AS3MT: variants seen among roughly 807,000 people sequenced by gnomAD.
AS3MT encodes arsenite methyltransferase.
A neutral mutation model predicts 45.3 loss-of-function variants in AS3MT; 47 were observed. The observed-to-expected ratio is 1.04, with a 90% confidence interval of 0.82 to 1.32. The LOEUF (loss-of-function observed/expected upper bound fraction) is 1.32, where lower values mean the gene tolerates loss of function less well. Among genes scored for constraint, AS3MT ranks in the 40% most tolerant of loss-of-function variants. The pLI is 0.00. For synonymous variants in AS3MT, 141 were observed against 152.8 expected, an observed-to-expected ratio of 0.92 and a Z score of 0.57; for missense variants, 396 against 451.1, an observed-to-expected ratio of 0.88 and a Z score of 1.11.
At position 102,877,080 on chromosome 10, in the gene AS3MT, A is replaced by G. The variant is rs746130054; in HGVS notation, c.610+45A>G. 7 of 1,567,046 alleles carry G rather than the reference A, an allele frequency of 4.5e-6. No homozygotes were observed. In the East Asian group the frequency reaches 1.1e-4, roughly 25 times the overall value. On this transcript the variant is annotated intron_variant, in intron 7 of 10. Transcript: ENST00000369880. ...TTAGTATTAAGGCAGATGGTTGTAC[A>G]TGTGCAGAACTCCTTTCTGCTAATA... is the stretch of plus-strand genomic sequence containing the variant.
chr10:102,882,906 T>C (rs1336678407), intron 9 of AS3MT, among the ~76,000 whole-genome samples: 1 of 151,924 alleles, frequency 6.6e-6, no homozygotes, highest in Non-Finnish European at 1.5e-5. Context: ...TTCAAATTTC[T>C]TAAATACTCC....
intron 7 of AS3MT, among the ~76,000 whole-genome samples, chr10:102,877,748 C>CTTTTTTTTTTTTT (rs751685577): frequency 1.9e-5 from 2 of 105,192 alleles, no homozygotes; most frequent in South Asian, 3.1e-4. Flanking sequence ...GTGATAACTT[C>CTTTTTTTTTTTTT]TTTTTTTTTT....
chr10:102,872,973 G>A, intron 4 of AS3MT, 124 bp from the exon 5 acceptor site: 1 of 823,902 alleles, frequency 1.2e-6, no homozygotes, highest in Non-Finnish European at 1.8e-6. Context: ...GTGTCCACAG[G>A]AATCTTGTAT....
chr10:102,873,764 C>T (rs563982393), intron 5 of AS3MT, among the ~76,000 whole-genome samples: 1 of 152,338 alleles, frequency 6.6e-6, no homozygotes, highest in South Asian at 2.1e-4. Context: ...AACTTAACCA[C>T]AAACCAATGA....
chr10:102,889,010 C>T (rs1485013712), intron 9 of AS3MT, among the ~76,000 whole-genome samples: 2 of 151,190 alleles, frequency 1.3e-5, no homozygotes, highest in South Asian at 2.1e-4. Flanking sequence ...CCTGCCTCAG[C>T]GCCCCGAGTA....
At chr10:102,898,546 T>A (rs1845218913) in intron 10 of AS3MT, among the ~76,000 whole-genome samples, 2 of 151,982 alleles carry the variant, frequency 1.3e-5, no homozygotes, top group African/African-American at 4.8e-5. Flanking sequence ...GCCAAGATCG[T>A]GCCACTGCAC....
chr10:102,875,873 T>C (rs568018307), intron 6 of AS3MT, among the ~76,000 whole-genome samples: 1 of 152,232 alleles, frequency 6.6e-6, no homozygotes, highest in African/African-American at 2.4e-5. Context: ...TGCCTCAGCC[T>C]CCCAAAGTGC....
At position 102,878,408 on chromosome 10, in the gene AS3MT, A is replaced by G. The variant is rs1263674298; in HGVS notation, c.640A>G (p.Lys214Glu). 6.2e-7 allele frequency: 1 copy of G among 1,613,968 alleles called. No homozygotes were observed. The highest frequency in any genetic ancestry group is 8.5e-7 in the Non-Finnish European group (1 of 1,179,956). Residue 214 changes from lysine to glutamate, a missense_variant, in exon 8 of 11, where the codon AAG becomes GAG. Physicochemically the swap from Lys to Glu is moderately conservative, Grantham distance 56 (BLOSUM62 1). Coordinates refer to ENST00000369880, the MANE Select transcript of AS3MT (RefSeq NM_020682.4). Reference sequence around the variant, plus strand: ...GTGTCTGGGTGGTGCTTTATACTGGAAGGAACTTGCTGTCCTTGCTCAAAA... The same window carrying G: ...GTGTCTGGGTGGTGCTTTATACTGGGAGGAACTTGCTGTCCTTGCTCAAAA... ...GECLGGALYW[K>E]ELAVLAQKIG...
intron 9 of AS3MT, among the ~76,000 whole-genome samples, chr10:102,886,565 G>A (rs552454539): frequency 4.6e-5 from 7 of 151,966 alleles, no homozygotes; most frequent in African/African-American, 9.6e-5. Context: ...GACTCTGCCC[G>A]CCTCAGCCTC....
chr10:102,881,936 G>GTT lies in AS3MT; in HGVS notation c.885+2958_885+2959dup, dbSNP rs1224365700. On this transcript the variant is annotated intron_variant, in intron 9 of 10. Coordinates refer to ENST00000369880, the MANE Select transcript of AS3MT (RefSeq NM_020682.4). The surrounding 1 kb of genome is among the most constrained non-coding windows in gnomAD (Gnocchi z 4.2). The stretch of plus-strand genomic sequence containing the variant: ...TTTTATTTTTTTGTTGGTGAGACAG[G>GTT]TTTTTTTTTTTTTTCTTTTTTGAGA... 2.2e-5 allele frequency among the ~76,000 whole-genome samples: 3 copies of GTT among 138,660 alleles called. No individual in the cohort carries two copies. The highest frequency in any genetic ancestry group is 2.1e-4 in the East Asian group (1 of 4,808). 91.0% of individuals were successfully genotyped at this position (138,660 alleles called of 152,430 possible).
chr10:102,877,992 C>T (rs1476333052), intron 7 of AS3MT, among the ~76,000 whole-genome samples: 1 of 152,098 alleles, frequency 6.6e-6, no homozygotes, highest in African/African-American at 2.4e-5. Flanking sequence ...ACCTCATGAT[C>T]TGCCCACCTC....
chr10:102,880,820 A>G (rs1844859314), intron 9 of AS3MT, among the ~76,000 whole-genome samples: 1 of 152,246 alleles, frequency 6.6e-6, no homozygotes, highest in Non-Finnish European at 1.5e-5. Flanking sequence ...AAACACTAAA[A>G]AAAGGTGTTT....
intron 9 of AS3MT, among the ~76,000 whole-genome samples, chr10:102,883,863 T>C (rs1360312463): frequency 3.3e-5 from 5 of 152,130 alleles, no homozygotes; most frequent in African/African-American, 1.2e-4. Flanking sequence ...CATTATGGAA[T>C]GACTAAATCA....
At chr10:102,890,376 A>ATTTAAT (rs1845049149) in intron 9 of AS3MT, among the ~76,000 whole-genome samples, 168 bp from the exon 10 acceptor site, 1 of 152,048 alleles carries the variant, frequency 6.6e-6, no homozygotes, top group Admixed American at 6.5e-5. Flanking sequence ...TTTTTTGAGG[A>ATTTAAT]ATCTCCATAC....
intron 4 of AS3MT, 51 bp from the exon 5 acceptor site, chr10:102,873,046 G>A: frequency 2.1e-6 from 3 of 1,460,076 alleles, no homozygotes; most frequent in Non-Finnish European, 1.8e-6. Flanking sequence ...TTAGGAAAAA[G>A]TTGTGTATTT....
intron 7 of AS3MT, 126 bp downstream of exon 7, chr10:102,877,161 A>G (rs1844795987): frequency 2.4e-6 from 2 of 827,976 alleles, no homozygotes; most frequent in South Asian, 1.7e-5. Context: ...CCAAGGTTCC[A>G]TTCTTCCTCT....
intron 3 of AS3MT, among the ~76,000 whole-genome samples, 183 bp downstream of exon 3, chr10:102,870,394 G>A (rs1844658000): frequency 1.3e-5 from 2 of 152,102 alleles, no homozygotes; most frequent in South Asian, 4.1e-4. Flanking sequence ...ATGAGTCTGG[G>A]CGCGCCAGTG....
intron 10 of AS3MT, among the ~76,000 whole-genome samples, chr10:102,891,066 C>T (rs1052372460): frequency 2.0e-5 from 3 of 152,142 alleles, no homozygotes; most frequent in African/African-American, 7.2e-5. Context: ...TGTTGTTAGA[C>T]GGTTATATAC....
chr10:102,892,770 G>C (rs1231904095), intron 10 of AS3MT, among the ~76,000 whole-genome samples: 1 of 152,000 alleles, frequency 6.6e-6, no homozygotes, highest in Non-Finnish European at 1.5e-5. Context: ...GAGCTCAGGA[G>C]TTCAAGACCA....
Sources: gnomAD v4.1 joint callset for allele counts (sites outside exome capture counted in the v4.1 genomes callset) on GRCh38, gnomAD v4.1.1 for gene constraint, Gnocchi (gnomAD v3.1) non-coding constraint, MANE v1.5 for transcripts, NCBI Gene and HGNC (gene_info 2026-07-23, HGNC 2026-07-21) for gene names.